The following DAAM1 variants were observed in gnomAD, a reference collection of about 807,000 sequenced individuals.
The protein encoded by DAAM1 is disheveled-associated activator of morphogenesis 1.
DAAM1 carries 52 observed loss-of-function variants against 130.0 expected under a neutral mutation model. That is an observed-to-expected ratio of 0.40 (90% confidence interval 0.32 to 0.50). The LOEUF is 0.50. Among genes scored for constraint, DAAM1 ranks in the 20% least tolerant of loss-of-function variants. DAAM1 has a pLI of 0.61. For synonymous variants in DAAM1, 452 were observed against 444.5 expected (o/e 1.02, Z -0.21); for missense variants, 1,134 against 1,303.8 (o/e 0.87, Z 2.01).
chr14:59,327,060 T>C (rs925688662), intron 12 of DAAM1, 69 bp downstream of exon 12: 57 of 1,571,208 alleles, frequency 3.6e-5, no homozygotes, highest in Non-Finnish European at 4.9e-5. Flanking sequence ...CCATATATTT[T>C]GGAAATTTAC....
At position 59,331,304 on chromosome 14, in the gene DAAM1, A is replaced by T; in HGVS notation, c.1656A>T (p.Pro552=). The T allele has an allele frequency of 3.9e-6, 5 of 1,273,478 alleles. No individual in the cohort carries two copies. Among genetic ancestry groups the T allele is most frequent in the Non-Finnish European group, 5.0e-6 (5 of 993,180 alleles). 78.9% of individuals were successfully genotyped at this position (1,273,478 alleles called of 1,614,324 possible). A position where few individuals can be genotyped will look rare whatever the true frequency, so the allele number is the denominator to read the frequency against. ...TGCCTGGATCTCTCCTTCCTCCCCC[A>T]CCACCCCCACCTCTACCAGGTGGGA... ...SSVPGSLLPP[P]PPPPLPGGML... is the part of the protein sequence containing the mutation. Residue 552 remains proline, a synonymous_variant, in exon 14 of 25, where the codon CCA becomes CCT. Transcript: ENST00000360909.
intron 15 of DAAM1, among the ~76,000 whole-genome samples, chr14:59,336,719 C>T (rs1263907799): frequency 6.6e-6 from 1 of 152,114 alleles, no homozygotes; most frequent in East Asian, 1.9e-4. Context: ...GAGATCTTGA[C>T]CAGCTGTTTT....
intron 21 of DAAM1, 77 bp downstream of exon 21, chr14:59,359,581 T>A (rs531164233): frequency 9.6e-7 from 1 of 1,039,022 alleles, no homozygotes; most frequent in East Asian, 2.5e-5. Context: ...TTGCACTGCA[T>A]GAAGTCAGTC....
At position 59,331,906 on chromosome 14, in the gene DAAM1, T is replaced by TAG; in HGVS notation, c.1955_1956insGA (p.Tyr652Ter). The change falls in exon 15 of 25, where the codon TAT becomes TAGAT. Residue 652 changes from tyrosine to a stop codon, truncating the protein, a stop_gained and frameshift_variant. Coordinates refer to ENST00000360909, the MANE Select transcript of DAAM1 (RefSeq NM_001270520.2). LOFTEE classifies it high-confidence loss of function. ...AGACCTGGAAAGAACCTTCTCTGCC[T>TAG]ATCAAAGACAGCAGGTAACAGCATA... is the stretch of plus-strand genomic sequence containing the variant. Reference protein sequence around the residue: ...LEDLERTFSAYQRQQKEADAI... With the variant: ...LEDLERTFSA 6.2e-7 allele frequency: 1 copy of TAG among 1,613,948 alleles called. No homozygotes were observed. The highest frequency in any genetic ancestry group is 8.5e-7 in the Non-Finnish European group (1 of 1,179,926).
At chr14:59,207,992 A>G (rs1399275707) in intron 1 of DAAM1, among the ~76,000 whole-genome samples, 1 of 152,208 alleles carries the variant, frequency 6.6e-6, no homozygotes, top group African/African-American at 2.4e-5. Flanking sequence ...TGTGGGGAAA[A>G]AAACACAGAA....
chr14:59,285,659 G>C (rs1883415502), intron 2 of DAAM1, among the ~76,000 whole-genome samples: 1 of 152,094 alleles, frequency 6.6e-6, no homozygotes, highest in Non-Finnish European at 1.5e-5. Flanking sequence ...AACCAACAAT[G>C]ATCAAAAAGG....
chr14:59,296,690 T>G (rs1376404296), intron 3 of DAAM1, among the ~76,000 whole-genome samples: 2 of 152,098 alleles, frequency 1.3e-5, no homozygotes, highest in Non-Finnish European at 2.9e-5. Flanking sequence ...GCAGTGAGAG[T>G]TGATGTTGTG....
At chr14:59,302,497 C>T (rs771580112) in intron 3 of DAAM1, among the ~76,000 whole-genome samples, 16 of 152,102 alleles carry the variant, frequency 1.1e-4, no homozygotes, top group African/African-American at 1.4e-4. Flanking sequence ...TTGTCACTCA[C>T]GCCTGCATTG....
At chr14:59,275,415 G>A (rs934038336) in intron 2 of DAAM1, among the ~76,000 whole-genome samples, 4 of 151,982 alleles carry the variant, frequency 2.6e-5, no homozygotes, top group Non-Finnish European at 5.9e-5. Flanking sequence ...AAACCTGCAC[G>A]TGTACCCCGA....
At chr14:59,223,310 C>T (rs1252357052) in intron 1 of DAAM1, among the ~76,000 whole-genome samples, 4 of 152,194 alleles carry the variant, frequency 2.6e-5, no homozygotes, top group Non-Finnish European at 5.9e-5. Context: ...ATACCCAATT[C>T]ATGATGGGCA....
chr14:59,192,880 C>T (rs1451679030), intron 1 of DAAM1, among the ~76,000 whole-genome samples: 2 of 152,138 alleles, frequency 1.3e-5, no homozygotes, highest in African/African-American at 2.4e-5. Context: ...GGGGAAACCC[C>T]GTCTCTACTA....
intron 2 of DAAM1, among the ~76,000 whole-genome samples, chr14:59,285,871 GA>G (rs1423135660): frequency 6.6e-6 from 1 of 152,132 alleles, no homozygotes; most frequent in African/African-American, 2.4e-5. Context: ...CATTGAGGCA[GA>G]AAACTAACAG....
chr14:59,228,843 A>G (rs942803885), intron 1 of DAAM1, among the ~76,000 whole-genome samples: 5 of 152,184 alleles, frequency 3.3e-5, no homozygotes, highest in Admixed American at 6.5e-5. Flanking sequence ...GGACTTAGCT[A>G]TGGTTTTAAA....
chr14:59,234,209 A>G (rs1272332585), intron 1 of DAAM1, among the ~76,000 whole-genome samples: 3 of 152,190 alleles, frequency 2.0e-5, no homozygotes, highest in African/African-American at 7.2e-5. Flanking sequence ...TTGAATCTAT[A>G]AATTACTTTG....
At chr14:59,338,543 T>A in intron 15 of DAAM1, 1 of 944,230 alleles carries the variant, frequency 1.1e-6, no homozygotes, top group Non-Finnish European at 1.6e-6. Context: ...AATGCCTAGG[T>A]AACTCCACTT....
At chr14:59,245,054 C>CA (rs913473742) in intron 1 of DAAM1, among the ~76,000 whole-genome samples, 3 of 151,732 alleles carry the variant, frequency 2.0e-5, no homozygotes, top group African/African-American at 7.3e-5. Flanking sequence ...GGGAAAAGGA[C>CA]GGGGGGGCCA....
At position 59,261,598 on chromosome 14, in the gene DAAM1, C is replaced by T. The variant is rs190832629; in HGVS notation, c.-37-1843C>T. Among the ~76,000 whole-genome samples the T allele has an allele frequency of 2.4e-4, 37 of 152,324 alleles. 1 individual carries two copies. The East Asian group carries it at 7.0e-3, about 29-fold the overall frequency. On this transcript the variant is annotated intron_variant, in intron 1 of 24. Transcript: ENST00000360909. ...TAGACACCCTGCTTTTAACCTTTCC[C>T]TCTCTTCCCGTCACAGAACCTCCCA...
intron 1 of DAAM1, among the ~76,000 whole-genome samples, chr14:59,259,296 A>G (rs1882058481): frequency 6.6e-6 from 1 of 152,222 alleles, no homozygotes; most frequent in Non-Finnish European, 1.5e-5. Context: ...GCTGTACATG[A>G]TGGAGGTCAC....
intron 1 of DAAM1, among the ~76,000 whole-genome samples, chr14:59,192,149 G>GTGT: frequency 7.2e-6 from 1 of 138,650 alleles, no homozygotes; most frequent in East Asian, 2.2e-4. Flanking sequence ...CTTGTTAAGG[G>GTGT]GTGTGTGTGT....
Sources: gnomAD v4.1 joint callset for allele counts (sites outside exome capture counted in the v4.1 genomes callset) on GRCh38, gnomAD v4.1.1 for gene constraint, MANE v1.5 for transcripts, NCBI Gene and HGNC (gene_info 2026-07-23, HGNC 2026-07-21) for gene names.